The following USP9X variants were observed in gnomAD, a reference collection of about 807,000 sequenced individuals.
USP9X encodes ubiquitin carboxyl-terminal hydrolase 9X.
Under a neutral mutation model 190.3 loss-of-function variants are expected in USP9X, and 7 were observed. The ratio of observed to expected loss-of-function variants is 0.04; its 90% CI spans 0.02 to 0.07. The LOEUF is 0.07. USP9X is among the 10% of genes least tolerant of loss of function. The pLI is 1.00. For missense variants in USP9X, 1,010 were observed against 1,916.9 expected, an observed-to-expected ratio of 0.53 and a Z score of 8.83; for synonymous variants, 645 against 659.5, an observed-to-expected ratio of 0.98 and a Z score of 0.34.
Position 41,164,030 on chromosome X carries a change from G to A in USP9X, c.1985+1153G>A, listed in dbSNP as rs754314588. Among the ~76,000 whole-genome samples, 4 of 110,922 alleles carry A rather than the reference G, an allele frequency of 3.6e-5. No homozygotes were observed. The South Asian group carries it at 1.5e-3, about 43-fold the overall frequency. ...TGGGACTACAGGCATGCGCCACCAC[G>A]CCCAGCTAATTTTTGTGTTTTTAGA... is the stretch of plus-strand genomic sequence containing the variant. On this transcript the variant is annotated intron_variant, in intron 15 of 44. Transcript: ENST00000378308.
chrX:41,217,199 A>G (rs1569199645), intron 35 of USP9X, 21 bp from the exon 36 acceptor site: 1 of 1,178,884 alleles, frequency 8.5e-7, no homozygotes, highest in Admixed American at 2.5e-5. Context: ...ATGTGTTTTT[A>G]TATCTGCATT....
At chrX:41,091,022 A>G (rs1194204512) in intron 1 of USP9X, among the ~76,000 whole-genome samples, 2 of 111,529 alleles carry the variant, frequency 1.8e-5, no homozygotes, top group African/African-American at 6.5e-5. Flanking sequence ...GCTGTGTGCT[A>G]GGCACTGTTC....
In USP9X at chrX:41,168,188, A is replaced by G. The variant is rs2062693745; in HGVS notation, c.2606A>G (p.His869Arg). 1.7e-6 allele frequency: 2 copies of G among 1,206,111 alleles called. No homozygotes were observed. The highest frequency in any genetic ancestry group is 3.0e-5 in the East Asian group (1 of 33,634). ...ATAAATGAATGTGACAGTGATTATC[A>G]TGAGGAAAGAACAATTCTCCCTATG... ...EYINECDSDYHEERTILPMSR... is the reference protein window; with the variant it reads ...EYINECDSDYREERTILPMSR... The change falls in exon 18 of 45, where the codon CAT (histidine) becomes CGT (arginine). Residue 869 changes from histidine to arginine, a missense_variant. By Grantham distance (29) the His-to-Arg change is conservative. Transcript: ENST00000378308.
rs2063371781 is a variant in USP9X, at chrX:41,232,668, C to T, written c.*144C>T. ...GAGAGTTTATTCACTGTCTTATCTGCAGAAATTTGCTGTCAATATATAACC... is the reference window on the plus strand; with the variant it reads ...GAGAGTTTATTCACTGTCTTATCTGTAGAAATTTGCTGTCAATATATAACC... On this transcript the variant is annotated 3_prime_UTR_variant, in exon 45 of 45. Coordinates refer to ENST00000378308, the MANE Select transcript of USP9X (RefSeq NM_001039591.3). The T allele has an allele frequency of 2.4e-6, 2 of 819,004 alleles. No homozygotes were observed. Among genetic ancestry groups the T allele is most frequent in the Non-Finnish European group, 3.4e-6 (2 of 595,710 alleles). The allele number at this position is 819,004 out of a possible 1,213,427, so 67.5% of individuals were successfully genotyped here. A position where few individuals can be genotyped will look rare whatever the true frequency, so the allele number is the denominator to read the frequency against.
At chrX:41,127,326 A>G (rs1464826161) in intron 2 of USP9X, among the ~76,000 whole-genome samples, 3 of 111,961 alleles carry the variant, frequency 2.7e-5, no homozygotes, top group Non-Finnish European at 3.8e-5. Flanking sequence ...TTGAATGGAA[A>G]AGGACAGAGA....
chrX:41,224,506 T>C (rs1308627136), intron 39 of USP9X, among the ~76,000 whole-genome samples: 1 of 110,287 alleles, frequency 9.1e-6, no homozygotes, highest in Non-Finnish European at 1.9e-5. Flanking sequence ...CGTGGTGACG[T>C]GCACCTGTAG....
At position 41,165,720 on chromosome X, in the gene USP9X, AAGT is replaced by A; in HGVS notation, c.1986-149_1986-147del. On this transcript the variant is annotated intron_variant, in intron 15 of 44. Transcript: ENST00000378308. ...GGGATTTTTTTTTAGTACCAGATAA[AAGT>A]AGAGAAATAGGTTATTTTGAAAGAA... 7 of 500,362 alleles carry A rather than the reference AAGT, an allele frequency of 1.4e-5. No homozygotes were observed. In the South Asian group the frequency reaches 3.0e-4, roughly 21 times the overall value. 41.2% of individuals were successfully genotyped at this position (500,362 alleles called of 1,213,427 possible). A position where few individuals can be genotyped will look rare whatever the true frequency, so the allele number is the denominator to read the frequency against.
intron 18 of USP9X, among the ~76,000 whole-genome samples, chrX:41,169,164 AAGGTCTACCT>A (rs770649070): frequency 1.1e-4 from 12 of 109,713 alleles, no homozygotes; most frequent in Non-Finnish European, 2.1e-4. Context: ...TTATTAATAC[AAGGTCTACCT>A]ATGTTGTCGA....
chrX:41,232,258 A>G (rs1166878238), intron 44 of USP9X, 129 bp from the exon 45 acceptor site: 19 of 636,482 alleles, frequency 3.0e-5, no homozygotes, highest in Non-Finnish European at 4.2e-5. Flanking sequence ...GCACTATAGT[A>G]GTCCAAGGGT....
intron 15 of USP9X, 97 bp downstream of exon 15, chrX:41,162,974 T>TCCCAAGTC (rs1021885707): frequency 1.9e-6 from 1 of 538,007 alleles, no homozygotes; most frequent in Non-Finnish European, 2.8e-6. Context: ...GGTGGCCTTT[T>TCCCAAGTC]CCCAAGTCCC....
In USP9X at chrX:41,235,225, TTTTG is replaced by T. The variant is rs1474044112; in HGVS notation, c.*2707_*2710del. The T allele has an allele frequency of 1.8e-5, 2 of 112,250 alleles. No individual in the cohort carries two copies. The highest frequency in any genetic ancestry group is 3.2e-5 in the African/African-American group (1 of 30,788). The allele number at this position is 112,250 out of a possible 1,213,427, so 9.3% of individuals were successfully genotyped here. On this transcript the variant is annotated 3_prime_UTR_variant, in exon 45 of 45. Coordinates refer to ENST00000378308, the MANE Select transcript of USP9X (RefSeq NM_001039591.3). Reference sequence around the variant, plus strand: ...TAGGAGCAAGGGAAAGTGGAGTTATTTTTGTTTGTGCAAATTATTTTCTATATTT... The same window carrying T: ...TAGGAGCAAGGGAAAGTGGAGTTATTTTTGTGCAAATTATTTTCTATATTT...
intron 13 of USP9X, 106 bp downstream of exon 13, chrX:41,151,163 G>A (rs1280505021): frequency 2.5e-6 from 2 of 784,518 alleles, no homozygotes; most frequent in East Asian, 7.2e-5. Flanking sequence ...TTAGTGGAGT[G>A]AGAAGAGGCT....
Position 41,136,993 on chromosome X carries a change from G to A in USP9X, c.625G>A (p.Ala209Thr). The A allele has an allele frequency of 8.3e-7, 1 of 1,211,347 alleles. No individual in the cohort carries two copies. Among genetic ancestry groups the A allele is most frequent in the Non-Finnish European group, 1.1e-6 (1 of 895,199 alleles). The change falls in exon 6 of 45, where the codon GCT becomes ACT. Residue 209 changes from alanine (A) to threonine (T), a missense_variant. By Grantham distance (58) the Ala-to-Thr change is moderately conservative. Around this residue, in one of 11 missense-constraint regions of USP9X, gnomAD observed 176 missense variants for 247.5 expected, o/e 0.71. Coordinates refer to ENST00000378308, the MANE Select transcript of USP9X (RefSeq NM_001039591.3). The stretch of plus-strand genomic sequence containing the variant: ...TCAGTTGCCTGAAGATGAACTCTTT[G>A]CTCGTTCTCCAGATCCTCGATCACC... ...SVQLPEDELF[A>T]RSPDPRSPKG... is the part of the protein sequence containing the mutation.
intron 14 of USP9X, among the ~76,000 whole-genome samples, chrX:41,155,861 T>G (rs1415010979): frequency 8.9e-6 from 1 of 112,329 alleles, no homozygotes; most frequent in Non-Finnish European, 1.9e-5. Flanking sequence ...TTGACCATCC[T>G]ATTCCAGAAA....
At chrX:41,101,598 C>G (rs1204096932) in intron 1 of USP9X, among the ~76,000 whole-genome samples, 1 of 110,538 alleles carries the variant, frequency 9.0e-6, no homozygotes, top group African/African-American at 3.3e-5. Flanking sequence ...TTATAGGCGC[C>G]CGCCACCACG....
At chrX:41,143,978 T>A (rs772965518) in intron 10 of USP9X, among the ~76,000 whole-genome samples, 2 of 111,793 alleles carry the variant, frequency 1.8e-5, no homozygotes, top group African/African-American at 6.5e-5. Context: ...TAAAGCTTTG[T>A]TTTTTTAGTC....
In USP9X at chrX:41,161,996, A is replaced by C. The variant is rs756965929; in HGVS notation, c.1898-794A>C. On this transcript the variant is annotated intron_variant, in intron 14 of 44. Coordinates refer to ENST00000378308, the MANE Select transcript of USP9X (RefSeq NM_001039591.3). ...TGTTTATGCCTGTTTGCATATTCCA[A>C]TATATGTGGAATTAGAAAGTAGTTT... is the stretch of plus-strand genomic sequence containing the variant. Among the ~76,000 whole-genome samples the C allele has an allele frequency of 1.4e-4, 16 of 111,145 alleles. 1 individual carries two copies. The Admixed American group carries it at 1.5e-3, about 11-fold the overall frequency.
At chrX:41,168,319 G>A (rs982114348) in intron 18 of USP9X, 101 bp downstream of exon 18, 57 of 732,435 alleles carry the variant, frequency 7.8e-5, no homozygotes, top group Non-Finnish European at 1.0e-4. Flanking sequence ...TTTGAAAATT[G>A]TTGTCTTTGC....
At position 41,170,005 on chromosome X, in the gene USP9X, G is replaced by A; in HGVS notation, c.2647G>A (p.Gly883Ser). 4 of 1,211,260 alleles carry A rather than the reference G, an allele frequency of 3.3e-6. No individual in the cohort carries two copies. The highest frequency in any genetic ancestry group is 4.5e-6 in the Non-Finnish European group (4 of 895,281). Residue 883 changes from glycine (G) to serine (S), a missense_variant, in exon 19 of 45, where the codon GGT becomes AGT. Coordinates refer to ENST00000378308, the MANE Select transcript of USP9X (RefSeq NM_001039591.3). ...TCTTTTTCCCCCCAGAGCATTCCGC[G>A]GTAAACACCTCTCTTTTGTAGTTCG... ...TILPMSRAFRGKHLSFVVRFP... is the reference protein window; with the variant it reads ...TILPMSRAFRSKHLSFVVRFP...
Sources: allele counts gnomAD v4.1 joint callset (sites outside exome capture counted in the v4.1 genomes callset), GRCh38; gene constraint gnomAD v4.1.1; regional missense constraint gnomAD v4.1.1; transcripts MANE v1.5; gene names NCBI Gene and HGNC (gene_info 2026-07-23, HGNC 2026-07-21).